The following FSTL5 variants were observed in gnomAD, a reference collection of about 807,000 sequenced individuals.
FSTL5 encodes the protein follistatin like 5.
A neutral mutation model predicts 89.1 loss-of-function variants in FSTL5; 62 were observed. That is an observed-to-expected ratio of 0.70 (90% confidence interval 0.57 to 0.86). The LOEUF (loss-of-function observed/expected upper bound fraction) is 0.86. Ranked by LOEUF, FSTL5 falls within the 40% of genes least tolerant of loss-of-function variation. The pLI is 0.00. For missense variants in FSTL5, 1,057 were observed against 1,001.6 expected (o/e 1.06, Z -0.75); for synonymous variants, 383 against 346.2 (o/e 1.11, Z -1.18).
At chr4:161,598,567 GA>G (rs1342357412) in intron 7 of FSTL5, among the ~76,000 whole-genome samples, 1 of 152,096 alleles carries the variant, frequency 6.6e-6, no homozygotes, top group African/African-American at 2.4e-5. Flanking sequence ...AAGATGAAGT[GA>G]TGTATTAAGA....
At chr4:162,131,749 G>C (rs1315323751) in intron 1 of FSTL5, among the ~76,000 whole-genome samples, 2 of 152,248 alleles carry the variant, frequency 1.3e-5, no homozygotes, top group Non-Finnish European at 2.9e-5. Flanking sequence ...TGTCTGCAAT[G>C]ACACTGCTCG....
chr4:161,811,241 G>A (rs973407405), intron 4 of FSTL5, among the ~76,000 whole-genome samples: 23 of 152,218 alleles, frequency 1.5e-4, no homozygotes, highest in African/African-American at 4.8e-4. Context: ...CAACCAGAGT[G>A]CCAAAGGAGG....
intron 1 of FSTL5, among the ~76,000 whole-genome samples, chr4:162,118,204 T>C (rs1413955966): frequency 6.6e-6 from 1 of 152,214 alleles, no homozygotes; most frequent in Non-Finnish European, 1.5e-5. Context: ...CACCTACTAC[T>C]GTGAACTCTG....
intron 15 of FSTL5, among the ~76,000 whole-genome samples, chr4:161,423,832 TTTTTATTTTA>T (rs553668067): frequency 1.5e-3 from 223 of 151,368 alleles, no homozygotes; most frequent in African/African-American, 5.2e-3. Flanking sequence ...TTTCCTAGTA[TTTTTATTTTA>T]TTTTATTTTA....
chr4:161,768,481 C>A (rs1037567450), intron 5 of FSTL5, among the ~76,000 whole-genome samples: 9 of 151,792 alleles, frequency 5.9e-5, no homozygotes, highest in African/African-American at 2.2e-4. Context: ...CAGACTTATC[C>A]ATTATATCTA....
In FSTL5 at chr4:161,507,490, A is replaced by C. The variant is rs116764234; in HGVS notation, c.1339+2908T>G. Among the ~76,000 whole-genome samples, 1,499 of 151,916 alleles carry C rather than the reference A, an allele frequency of 9.9e-3. 20 individuals are homozygous for C. Among genetic ancestry groups the C allele is most frequent in the Middle Eastern group, 0.031 (9 of 290 alleles). The stretch of plus-strand genomic sequence containing the variant: ...GTTCAGGCTTGAACCTTCTAGATTG[A>C]AAGTTTCTTTAGAGCAGATATTAGA... On this transcript the variant is annotated intron_variant, in intron 11 of 15. Transcript: ENST00000306100.
At chr4:162,115,067 T>C (rs1561026984) in intron 1 of FSTL5, among the ~76,000 whole-genome samples, 1 of 152,176 alleles carries the variant, frequency 6.6e-6, no homozygotes, top group Non-Finnish European at 1.5e-5. Flanking sequence ...AGGAAAACTC[T>C]GATTTCTGTT....
intron 4 of FSTL5, among the ~76,000 whole-genome samples, chr4:161,847,891 C>A (rs1731419297): frequency 6.6e-6 from 1 of 151,576 alleles, no homozygotes; most frequent in South Asian, 2.1e-4. Flanking sequence ...CAAAAATTAT[C>A]TGGGTGTGGT....
rs10213519 is a variant in FSTL5 at position 161,795,005 on chromosome 4, A to T, written c.410-18931T>A. Among the ~76,000 whole-genome samples the T allele has an allele frequency of 1.7e-3, 256 of 152,048 alleles. 1 individual carries two copies. The highest frequency in any genetic ancestry group is 6.0e-3 in the African/African-American group (251 of 41,510). ...CCATGAATATATATTTTATTTACAT[A>T]TATATACACAATATATTTGTATTTT... On this transcript the variant is annotated intron_variant, in intron 4 of 15. Transcript: ENST00000306100.
intron 3 of FSTL5, among the ~76,000 whole-genome samples, chr4:161,986,784 A>G (rs1044527157): frequency 3.3e-5 from 5 of 152,176 alleles, no homozygotes; most frequent in African/African-American, 1.2e-4. Flanking sequence ...CGGGTGGCAC[A>G]GATCACCATG....
rs1038845121 is a variant in FSTL5, at chr4:162,071,538, A to G, written c.127-37880T>C. Among the ~76,000 whole-genome samples the G allele has an allele frequency of 2.0e-5, 3 of 151,820 alleles. No individual in the cohort carries two copies. The Admixed American group carries it at 2.0e-4, about 10-fold the overall frequency. The stretch of plus-strand genomic sequence containing the variant: ...AAAGGAAGGAATAGACTCCAATACA[A>G]TAAGAGTTTAGGACTTCAACACCTC... On this transcript the variant is annotated intron_variant, in intron 2 of 15. Transcript: ENST00000306100.
At chr4:161,391,585 T>G (rs747883440) in intron 15 of FSTL5, among the ~76,000 whole-genome samples, 2 of 152,206 alleles carry the variant, frequency 1.3e-5, no homozygotes, top group Non-Finnish European at 2.9e-5. Flanking sequence ...TTTTCTATTA[T>G]CCCACACCAA....
chr4:161,564,972 C>G (rs1732747023), intron 8 of FSTL5, among the ~76,000 whole-genome samples: 1 of 151,768 alleles, frequency 6.6e-6, no homozygotes, highest in African/African-American at 2.4e-5. Context: ...TTTTATAAAA[C>G]TATATGATGC....
At chr4:162,005,107 C>A (rs1736580009) in intron 3 of FSTL5, among the ~76,000 whole-genome samples, 1 of 152,156 alleles carries the variant, frequency 6.6e-6, no homozygotes, top group South Asian at 2.1e-4. Flanking sequence ...CTGCCTTGGC[C>A]TATTTCTCTC....
intron 6 of FSTL5, among the ~76,000 whole-genome samples, chr4:161,740,122 C>T (rs1419640769): frequency 6.6e-6 from 1 of 151,928 alleles, no homozygotes; most frequent in African/African-American, 2.4e-5. Flanking sequence ...CGGGTTCAAG[C>T]GATTTTCCTG....
At chr4:161,971,831 T>G (rs1735494101) in intron 3 of FSTL5, among the ~76,000 whole-genome samples, 1 of 152,168 alleles carries the variant, frequency 6.6e-6, no homozygotes, top group Non-Finnish European at 1.5e-5. Context: ...CTAACATCTT[T>G]TCTCCAGTTG....
chr4:161,588,997 G>GT (rs879331171), intron 7 of FSTL5, among the ~76,000 whole-genome samples: 25,958 of 130,850 alleles, frequency 0.2, 2,643 homozygotes, highest in Middle Eastern at 0.31. Flanking sequence ...TATCCCTAAT[G>GT]TTTTTTTTTT....
chr4:162,151,353 A>T (rs1010662813), intron 1 of FSTL5, among the ~76,000 whole-genome samples: 12 of 146,560 alleles, frequency 8.2e-5, no homozygotes, highest in Non-Finnish European at 1.4e-4. Context: ...CCTTGGTATG[A>T]AGTTGCTAAC....
At chr4:162,062,541 T>C (rs751872348) in intron 2 of FSTL5, among the ~76,000 whole-genome samples, 5 of 151,788 alleles carry the variant, frequency 3.3e-5, no homozygotes, top group Non-Finnish European at 7.4e-5. Flanking sequence ...CTTGGAACAA[T>C]TTACATTCAC....
Sources: allele counts gnomAD v4.1 joint callset (sites outside exome capture counted in the v4.1 genomes callset), GRCh38; gene constraint gnomAD v4.1.1; transcripts MANE v1.5; gene names NCBI Gene and HGNC (gene_info 2026-07-23, HGNC 2026-07-21).